CCDC68: variants seen among roughly 807,000 people sequenced by gnomAD.
CCDC68 encodes the protein coiled-coil domain containing 68.
In CCDC68, 45 loss-of-function variants were observed where a neutral mutation model predicts 47.1. The ratio of observed to expected loss-of-function variants is 0.96; its 90% CI spans 0.75 to 1.23. CCDC68 has a LOEUF of 1.23. Among genes scored for constraint, CCDC68 ranks in the 50% most tolerant of loss-of-function variants. The pLI, the probability that CCDC68 is intolerant of heterozygous loss-of-function variation, is 0.00. For synonymous variants in CCDC68, 131 were observed against 129.5 expected (o/e 1.01, Z -0.08); for missense variants, 353 against 373.6 (o/e 0.94, Z 0.45).
intron 8 of CCDC68, among the ~76,000 whole-genome samples, chr18:54,920,299 C>A (rs544164423): frequency 1.7e-4 from 26 of 150,590 alleles, no homozygotes; most frequent in African/African-American, 6.1e-4. Flanking sequence ...TACTCTGTCG[C>A]CCAGGCTGGA....
intron 1 of CCDC68, among the ~76,000 whole-genome samples, chr18:54,948,825 T>G (rs1451309526): frequency 6.6e-6 from 1 of 152,160 alleles, no homozygotes; most frequent in East Asian, 1.9e-4. Context: ...GGAGGTGCTG[T>G]TCTAGATGAG....
At chr18:54,910,223 G>A (rs1381300653) in intron 10 of CCDC68, among the ~76,000 whole-genome samples, 1 of 152,140 alleles carries the variant, frequency 6.6e-6, no homozygotes, top group Admixed American at 6.5e-5. Flanking sequence ...CAACAGAGAC[G>A]GTAGCTCCTC....
In CCDC68 at chr18:54,919,271, C is replaced by T. The variant is rs2044010915; in HGVS notation, c.789G>A (p.Glu263=). 1 of 1,610,714 alleles carries T rather than the reference C, an allele frequency of 6.2e-7. No individual in the cohort carries two copies. Among genetic ancestry groups the T allele is most frequent in the Non-Finnish European group, 8.5e-7 (1 of 1,177,090 alleles). The change falls in exon 9 of 12, where the codon GAG becomes GAA. Residue 263 remains glutamate (E), a splice_region_variant and synonymous_variant. Transcript: ENST00000591504. ...GATAAATACACTTGATTAATCTGACCTCCTGGATGACACTGCGCAGGTTCT... is the reference window on the plus strand; with the variant it reads ...GATAAATACACTTGATTAATCTGACTTCCTGGATGACACTGCGCAGGTTCT... The part of the protein sequence containing the change: ...QHQNLRSVIQ[E]MEGLKNNLKE...
Position 54,930,712 on chromosome 18 carries a change from CTCTCTCTT to C in CCDC68, c.601-1838_601-1831del, listed in dbSNP as rs1303269258. The stretch of plus-strand genomic sequence containing the variant: ...CCTCCCTCCCTCTCTCTCTCTCTCT[CTCTCTCTT>C]TCTTTCCTTCTTTTTTATACAGAGT... On this transcript the variant is annotated intron_variant, in intron 7 of 11. Coordinates refer to ENST00000591504, the MANE Select transcript of CCDC68 (RefSeq NM_025214.3). Among the ~76,000 whole-genome samples the C allele has an allele frequency of 5.3e-4, 70 of 131,992 alleles. 1 individual carries two copies. The highest frequency in any genetic ancestry group is 1.9e-3 in the Admixed American group (24 of 12,658). 86.6% of individuals were successfully genotyped at this position (131,992 alleles called of 152,430 possible).
intron 8 of CCDC68, among the ~76,000 whole-genome samples, chr18:54,920,244 T>C (rs1335998338): frequency 2.0e-5 from 3 of 150,554 alleles, no homozygotes; most frequent in Non-Finnish European, 2.9e-5. Context: ...TTCTTTTTTT[T>C]TTTTTTTTTG....
At chr18:54,955,110 T>C (rs8091280) in intron 1 of CCDC68, among the ~76,000 whole-genome samples, 54,959 of 151,952 alleles carry the variant, frequency 0.36, 10,340 homozygotes, top group East Asian at 0.59. Flanking sequence ...TGCTTAAGGC[T>C]GGGAATTGGA....
chr18:54,916,210 G>C (rs1021196703), intron 10 of CCDC68, among the ~76,000 whole-genome samples: 5 of 152,116 alleles, frequency 3.3e-5, no homozygotes, highest in Non-Finnish European at 7.3e-5. Flanking sequence ...AGAGCTGAGA[G>C]CAGTGTGTTA....
At position 54,949,636 on chromosome 18, in the gene CCDC68, C is replaced by T. The variant is rs529405927; in HGVS notation, c.-102-4159G>A. Among the ~76,000 whole-genome samples the T allele has an allele frequency of 7.5e-4, 115 of 152,318 alleles. 3 individuals are homozygous for T. The South Asian group carries it at 0.023, about 31-fold the overall frequency. On this transcript the variant is annotated intron_variant, in intron 1 of 11. Coordinates refer to ENST00000591504, the MANE Select transcript of CCDC68 (RefSeq NM_025214.3). The stretch of plus-strand genomic sequence containing the variant: ...GAAAAGCACCATGCTGGATGTCTGG[C>T]AGGTTTTGGCTAGCTTGTGCTTGAA...
intron 5 of CCDC68, 162 bp downstream of exon 5, chr18:54,937,795 T>C: frequency 2.1e-6 from 1 of 472,708 alleles, no homozygotes; most frequent in Non-Finnish European, 3.7e-6. Context: ...TGAGATATGA[T>C]TTGTGAAATA....
chr18:54,923,011 A>G (rs1398354957), intron 8 of CCDC68, among the ~76,000 whole-genome samples: 1 of 151,062 alleles, frequency 6.6e-6, no homozygotes, highest in East Asian at 1.9e-4. Context: ...AAAAAAAAAA[A>G]AAGATCAAAA....
In CCDC68 at chr18:54,917,953, AT is replaced by A; in HGVS notation, c.832del (p.Ile278LeufsTer18). On this transcript the variant is annotated frameshift_variant, in exon 10 of 12. Coordinates refer to ENST00000591504, the MANE Select transcript of CCDC68 (RefSeq NM_025214.3). LOFTEE classifies it high-confidence loss of function. Reference protein sequence around the residue: ...KNNLKEQDKRIENLREKVNIL... With the variant: ...KNNLKEQDKRXENLREKVNIL... ...GTTAACCTTTTCTCTGAGATTTTCA[AT>A]TCTTTTGTCTTGTTCTTTTAAATTA... 1 of 1,575,858 alleles carries A rather than the reference AT, an allele frequency of 6.3e-7. No individual in the cohort carries two copies. The highest frequency in any genetic ancestry group is 1.1e-5 in the South Asian group (1 of 88,580).
At chr18:54,912,437 A>AG (rs397777932) in intron 10 of CCDC68, among the ~76,000 whole-genome samples, 1 of 151,396 alleles carries the variant, frequency 6.6e-6, no homozygotes, top group African/African-American at 2.4e-5. Context: ...GAGGAAAAAA[A>AG]CTGCTAGGAT....
chr18:54,955,443 T>A (rs2044695473), intron 1 of CCDC68, among the ~76,000 whole-genome samples: 1 of 152,182 alleles, frequency 6.6e-6, no homozygotes, highest in African/African-American at 2.4e-5. Context: ...ACTGTCTTCT[T>A]TTTAGGCTCA....
In CCDC68 at chr18:54,937,170, T is replaced by G. The variant is rs991961642; in HGVS notation, c.346-212A>C. The G allele has an allele frequency of 4.1e-5, 22 of 530,598 alleles. No individual in the cohort carries two copies. In the Admixed American group the frequency reaches 7.1e-4, roughly 17 times the overall value. 32.9% of individuals were successfully genotyped at this position (530,598 alleles called of 1,614,324 possible). ...TAGAGGGGCTGTTGAACAGGCAGAT[T>G]TGCCATAGTCAAACCAAACCAGAGC... On this transcript the variant is annotated intron_variant, in intron 5 of 11. Coordinates refer to ENST00000591504, the MANE Select transcript of CCDC68 (RefSeq NM_025214.3).
chr18:54,939,192 G>T (rs1031325754), intron 4 of CCDC68, among the ~76,000 whole-genome samples: 1 of 152,062 alleles, frequency 6.6e-6, no homozygotes, highest in East Asian at 1.9e-4. Flanking sequence ...TCACAGTTTT[G>T]TGTTTTAGAG....
intron 1 of CCDC68, among the ~76,000 whole-genome samples, chr18:54,958,485 T>C (rs8089164): frequency 0.15 from 23,540 of 152,202 alleles, 1,946 homozygotes; most frequent in Non-Finnish European, 0.17. Context: ...TTTTGTATTC[T>C]GACACTTCAT....
chr18:54,922,512 C>T (rs1241993130), intron 8 of CCDC68, among the ~76,000 whole-genome samples: 3 of 152,028 alleles, frequency 2.0e-5, no homozygotes, highest in Non-Finnish European at 4.4e-5. Flanking sequence ...ACTAAGGAGC[C>T]TCAGAAGAAA....
intron 10 of CCDC68, among the ~76,000 whole-genome samples, chr18:54,910,990 T>C: frequency 6.6e-6 from 1 of 152,200 alleles, no homozygotes; most frequent in East Asian, 1.9e-4. Context: ...CAGCTGCAGC[T>C]GTGCCCAGTA....
At chr18:54,919,113 G>C (rs2044007456) in intron 9 of CCDC68, among the ~76,000 whole-genome samples, 158 bp downstream of exon 9, 2 of 152,086 alleles carry the variant, frequency 1.3e-5, no homozygotes, top group Admixed American at 1.3e-4. Flanking sequence ...AACAAGAGAG[G>C]GCATTGAAAA....
Sources: allele counts gnomAD v4.1 joint callset (sites outside exome capture counted in the v4.1 genomes callset), GRCh38; gene constraint gnomAD v4.1.1; transcripts MANE v1.5; gene names NCBI Gene and HGNC (gene_info 2026-07-23, HGNC 2026-07-21).